The following PCDHGA3 variants were observed in gnomAD, a reference collection of about 807,000 sequenced individuals.
PCDHGA3 encodes the protein protocadherin gamma subfamily A, 3.
PCDHGA3 carries 40 observed loss-of-function variants against 58.5 expected under a neutral mutation model. That is an observed-to-expected ratio of 0.68 (90% confidence interval 0.53 to 0.89). The LOEUF (loss-of-function observed/expected upper bound fraction) is 0.89. Among genes scored for constraint, PCDHGA3 ranks in the 40% least tolerant of loss-of-function variants. The pLI is 0.00. For synonymous variants in PCDHGA3, 530 were observed against 525.7 expected, an observed-to-expected ratio of 1.01 and a Z score of -0.11; for missense variants, 1,223 against 1,195.9, an observed-to-expected ratio of 1.02 and a Z score of -0.33.
chr5:141,410,540 G>C (rs1301173391), intron 1 of PCDHGA3: 1 of 1,613,702 alleles, frequency 6.2e-7, no homozygotes. Context: ...TGAAGACATG[G>C]TTTGCAGTGT....
chr5:141,398,092 T>C (rs748472174), intron 1 of PCDHGA3: 19 of 1,598,994 alleles, frequency 1.2e-5, no homozygotes, highest in Non-Finnish European at 1.6e-5. Flanking sequence ...ACCTGGCGTC[T>C]CCAGGCTGGT....
chr5:141,419,647 G>C (rs370948584), intron 1 of PCDHGA3: 6 of 1,612,592 alleles, frequency 3.7e-6, no homozygotes, highest in Non-Finnish European at 5.1e-6. Context: ...CCGTGGACGC[G>C]GACTCGGGGC....
chr5:141,431,227 C>G lies in PCDHGA3; in HGVS notation c.2425-63580C>G. ...CTGAGATGCGGTTCCCTCTACCCCA[C>G]GCCTGGGATCCGGATATCGGGAAGA... On this transcript the variant is annotated intron_variant, in intron 1 of 3. Coordinates refer to ENST00000253812, the MANE Select transcript of PCDHGA3 (RefSeq NM_018916.4). This position sits in a 1 kb window ranked among gnomAD's most constrained non-coding sequence, Gnocchi z 4.8. 6.2e-7 allele frequency: 1 copy of G among 1,614,180 alleles called. No individual in the cohort carries two copies. Among genetic ancestry groups the G allele is most frequent in the Non-Finnish European group, 8.5e-7 (1 of 1,180,042 alleles).
chr5:141,472,980 C>CAAAAAAAAAAAAAAAAAAGAAAAAAA (rs60579131), intron 1 of PCDHGA3, among the ~76,000 whole-genome samples: 1 of 86,106 alleles, frequency 1.2e-5, no homozygotes, highest in South Asian at 4.3e-4. Flanking sequence ...GAGTGAAACT[C>CAAAAAAAAAAAAAAAAAAGAAAAAAA]AAAAAAAAAA....
At chr5:141,410,676 T>G in intron 1 of PCDHGA3, 1 of 1,550,692 alleles carries the variant, frequency 6.4e-7, no homozygotes, top group African/African-American at 1.4e-5. Flanking sequence ...TTTCTCATAT[T>G]TTAGGCATAC....
intron 1 of PCDHGA3, chr5:141,357,622 G>C: frequency 3.1e-6 from 5 of 1,613,672 alleles, no homozygotes; most frequent in Non-Finnish European, 4.2e-6. Flanking sequence ...TAATCTTCAG[G>C]TGAGTCAATC....
chr5:141,467,775 C>T (rs1464827506), intron 1 of PCDHGA3, among the ~76,000 whole-genome samples: 1 of 151,960 alleles, frequency 6.6e-6, no homozygotes, highest in Non-Finnish European at 1.5e-5. Context: ...GCCCGCACCT[C>T]AGCCTCTCAA....
rs2099629540 is a variant in PCDHGA3, at chr5:141,486,436, T to C, written c.2425-8371T>C. 2 of 1,614,188 alleles carry C rather than the reference T, an allele frequency of 1.2e-6. No individual in the cohort carries two copies. The highest frequency in any genetic ancestry group is 1.7e-6 in the Non-Finnish European group (2 of 1,180,020). On this transcript the variant is annotated intron_variant, in intron 1 of 3. Coordinates refer to ENST00000253812, the MANE Select transcript of PCDHGA3 (RefSeq NM_018916.4). This position sits in a 1 kb window ranked among gnomAD's most constrained non-coding sequence, Gnocchi z 5.0. ...TGGATCGAGAGGCCAAATCTAGCTA[T>C]GACATCATGGTCACTGCTTCTGATG... is the stretch of plus-strand genomic sequence containing the variant.
chr5:141,477,553 A>T lies in PCDHGA3; in HGVS notation c.2425-17254A>T, dbSNP rs1478806410. 6.2e-7 allele frequency: 1 copy of T among 1,614,090 alleles called. No homozygotes were observed. Among genetic ancestry groups the T allele is most frequent in the Admixed American group, 1.7e-5 (1 of 60,028 alleles). On this transcript the variant is annotated intron_variant, in intron 1 of 3. Coordinates refer to ENST00000253812, the MANE Select transcript of PCDHGA3 (RefSeq NM_018916.4). The surrounding 1 kb of genome is among the most constrained non-coding windows in gnomAD (Gnocchi z 4.9). ...TCCCCGGGGCTCCAATACTAAACCT[A>T]AGTGTCTGGGACCCCGACGCCCCGC...
At position 141,350,361 on chromosome 5, in the gene PCDHGA3, C is replaced by A. The variant is rs751339845; in HGVS notation, c.2424+3904C>A. On this transcript the variant is annotated intron_variant, in intron 1 of 3. Transcript: ENST00000253812. The stretch of plus-strand genomic sequence containing the variant: ...GCCATCTCCCAGCAGATCCGATACA[C>A]GATTCCAGAGGAGCTAGCCAACGGC... 2.6e-5 allele frequency: 41 copies of A among 1,571,096 alleles called. No individual in the cohort carries two copies. The South Asian group carries it at 4.9e-4, about 19-fold the overall frequency.
At chr5:141,383,867 A>G in intron 1 of PCDHGA3, 3 of 1,614,006 alleles carry the variant, frequency 1.9e-6, no homozygotes, top group Non-Finnish European at 1.7e-6. Context: ...CAGGCTCAAG[A>G]TGGTCCTGGT....
chr5:141,471,789 TCATATAAAAGA>T (rs777265354), intron 1 of PCDHGA3, among the ~76,000 whole-genome samples: 14 of 152,224 alleles, frequency 9.2e-5, no homozygotes, highest in Non-Finnish European at 1.9e-4. Flanking sequence ...TTATGCTATG[TCATATAAAAGA>T]CATATAAAAG....
rs1356766672 is a variant in PCDHGA3 at position 141,346,067 on chromosome 5, C to T, written c.2034C>T (p.Leu678=). The T allele has an allele frequency of 1.2e-6, 2 of 1,613,488 alleles. No individual in the cohort carries two copies. Among genetic ancestry groups the T allele is most frequent in the Non-Finnish European group, 8.5e-7 (1 of 1,179,838 alleles). ...ACATCCTGGCCGACCTGGGCAGCCT[C>T]GAGCCCTCCGCCAAACCCAACGATT... ...IPDILADLGS[L]EPSAKPNDSD... is the part of the protein sequence containing the mutation. Residue 678 remains leucine (L), a synonymous_variant, in exon 1 of 4, where the codon CTC becomes CTT. Coordinates refer to ENST00000253812, the MANE Select transcript of PCDHGA3 (RefSeq NM_018916.4).
At chr5:141,484,672 A>G (rs1253641119) in intron 1 of PCDHGA3, among the ~76,000 whole-genome samples, 1 of 151,990 alleles carries the variant, frequency 6.6e-6, no homozygotes, top group African/African-American at 2.4e-5. Flanking sequence ...AGTGGGCCGC[A>G]GGTTGCTAGG....
intron 1 of PCDHGA3, chr5:141,364,117 G>A: frequency 2.2e-6 from 1 of 453,996 alleles, no homozygotes; most frequent in Non-Finnish European, 3.8e-6. Flanking sequence ...TTAGGACTCT[G>A]AGTGTCGCTG....
At chr5:141,365,053 G>C (rs1588608159) in intron 1 of PCDHGA3, 10 of 1,613,802 alleles carry the variant, frequency 6.2e-6, no homozygotes, top group Non-Finnish European at 8.5e-6. Context: ...ATGCGCCCCT[G>C]TTCACCCCAT....
chr5:141,489,040 C>G lies in PCDHGA3; in HGVS notation c.2425-5767C>G. On this transcript the variant is annotated intron_variant, in intron 1 of 3. Coordinates refer to ENST00000253812, the MANE Select transcript of PCDHGA3 (RefSeq NM_018916.4). This position sits in a 1 kb window ranked among gnomAD's most constrained non-coding sequence, Gnocchi z 4.5. ...CCTCTCCTCCTCCAGCTCCCCAGCT[C>G]CACTCAAATTCAGCTCCCCTCCCCC... 1 of 479,752 alleles carries G rather than the reference C, an allele frequency of 2.1e-6. No homozygotes were observed. The highest frequency in any genetic ancestry group is 3.6e-6 in the Non-Finnish European group (1 of 274,204). 29.7% of individuals were successfully genotyped at this position (479,752 alleles called of 1,614,324 possible). A position where few individuals can be genotyped will look rare whatever the true frequency, so the allele number is the denominator to read the frequency against.
intron 2 of PCDHGA3, among the ~76,000 whole-genome samples, chr5:141,500,881 T>G (rs940387787): frequency 1.0e-5 from 1 of 99,136 alleles, no homozygotes; most frequent in Non-Finnish European, 1.9e-5. Context: ...TTTACAATTT[T>G]TTTTTTTTGA....
intron 1 of PCDHGA3, chr5:141,376,336 G>A (rs1433665161): frequency 1.2e-6 from 2 of 1,614,080 alleles, no homozygotes; most frequent in African/African-American, 2.7e-5. Flanking sequence ...CTTTCCTGCA[G>A]ACCTATTCCC....
Sources: allele counts gnomAD v4.1 joint callset (sites outside exome capture counted in the v4.1 genomes callset), GRCh38; gene constraint gnomAD v4.1.1; non-coding constraint Gnocchi (gnomAD v3.1); transcripts MANE v1.5; gene names NCBI Gene and HGNC (gene_info 2026-07-23, HGNC 2026-07-21).